CCDC197: variants seen among roughly 807,000 people sequenced by gnomAD.
CCDC197 encodes coiled-coil domain containing 197.
Under a neutral mutation model 13.4 loss-of-function variants are expected in CCDC197, and 24 were observed. The observed-to-expected ratio is 1.80, with a 90% confidence interval of 1.30 to 2.53. CCDC197 has a LOEUF of 2.53. Ranked by LOEUF, CCDC197 falls within the 30% of genes most tolerant of loss-of-function variation. The pLI, the probability that CCDC197 is intolerant of heterozygous loss-of-function variation, is 0.00. For synonymous variants in CCDC197, 99 were observed against 55.5 expected, an observed-to-expected ratio of 1.78 and a Z score of -3.48; for missense variants, 255 against 148.8, an observed-to-expected ratio of 1.71 and a Z score of -3.71.
chr14:93,990,738 A>G (rs1337849654), intron 1 of CCDC197, among the ~76,000 whole-genome samples: 1 of 152,190 alleles, frequency 6.6e-6, no homozygotes, highest in African/African-American at 2.4e-5. Flanking sequence ...AGCATTCAGG[A>G]GAGGCCTGGC....
chr14:94,005,049 C>G, intron 6 of CCDC197, 78 bp downstream of exon 6: 2 of 653,954 alleles, frequency 3.1e-6, no homozygotes, highest in Non-Finnish European at 5.6e-6. Flanking sequence ...TGCTCCTTAG[C>G]CCAGGCTGCA....
intron 6 of CCDC197, chr14:94,007,662 G>A (rs541948129): frequency 1.3e-5 from 2 of 152,342 alleles, no homozygotes; most frequent in African/African-American, 4.8e-5. Flanking sequence ...CAGGCATGGT[G>A]TGATCCTAGG....
chr14:93,994,663 C>T (rs778918930), upstream of CCDC197, among the ~76,000 whole-genome samples: 10 of 152,336 alleles, frequency 6.6e-5, no homozygotes, highest in South Asian at 8.3e-4. Flanking sequence ...ATCCCCACTC[C>T]AAACCTACCT....
intron 2 of CCDC197, among the ~76,000 whole-genome samples, chr14:93,998,750 TAG>T (rs1890398945): frequency 6.6e-6 from 1 of 152,244 alleles, no homozygotes; most frequent in South Asian, 2.1e-4. Context: ...CAATACGGTT[TAG>T]CACTGTCACG....
chr14:94,004,081 G>A lies in CCDC197; in HGVS notation c.498+727G>A, dbSNP rs74074318. Among the ~76,000 whole-genome samples the A allele has an allele frequency of 8.9e-3, 1,357 of 152,244 alleles. 23 individuals carry two copies. Among genetic ancestry groups the A allele is most frequent in the African/African-American group, 0.03 (1,252 of 41,544 alleles). The stretch of plus-strand genomic sequence containing the variant: ...CTCATTTTACAAATGAGAAAAATGA[G>A]GCTCAGAAAGAACAAGTCATGGCCA... On this transcript the variant is annotated intron_variant, in intron 5 of 6. Coordinates refer to ENST00000636493, the MANE Select transcript of CCDC197 (RefSeq NM_001351596.2).
intron 5 of CCDC197, among the ~76,000 whole-genome samples, chr14:94,004,375 C>T (rs879769263): frequency 1.3e-5 from 2 of 152,138 alleles, no homozygotes; most frequent in Non-Finnish European, 2.9e-5. Context: ...GACTGGGCCT[C>T]GAGGGATCTG....
chr14:94,001,246 G>A lies in CCDC197; in HGVS notation c.289G>A (p.Glu97Lys), dbSNP rs1208522614. Residue 97 changes from glutamate to lysine, a missense_variant, in exon 4 of 7, where the codon GAG becomes AAG. By Grantham distance (56) the Glu-to-Lys change is moderately conservative. Coordinates refer to ENST00000636493, the MANE Select transcript of CCDC197 (RefSeq NM_001351596.2). ...CAGCCAGGACACGCAGAAGCGCCTC[G>A]AGGCCTTCTGCCAGATGATCCAGGC... The part of the protein sequence containing the change: ...TASQDTQKRL[E>K]AFCQMIQAVH... The A allele has an allele frequency of 2.6e-6, 2 of 780,742 alleles. No homozygotes were observed. The highest frequency in any genetic ancestry group is 1.7e-5 in the African/African-American group (1 of 59,144). The allele number at this position is 780,742 out of a possible 1,614,324, so 48.4% of individuals were successfully genotyped here. A position where few individuals can be genotyped will look rare whatever the true frequency, so the allele number is the denominator to read the frequency against.
chr14:93,996,785 C>A (rs2141346526), upstream of CCDC197, among the ~76,000 whole-genome samples: 1 of 152,298 alleles, frequency 6.6e-6, no homozygotes, highest in African/African-American at 2.4e-5. Flanking sequence ...AGAGGCCCAG[C>A]CCTCCCCACC....
At chr14:94,005,745 C>T (rs1890662396) in intron 6 of CCDC197, among the ~76,000 whole-genome samples, 1 of 152,150 alleles carries the variant, frequency 6.6e-6, no homozygotes, top group African/African-American at 2.4e-5. Flanking sequence ...CATTTAGCGT[C>T]TGGCTGCTTT....
chr14:93,990,219 G>C (rs1890184093), intron 1 of CCDC197, among the ~76,000 whole-genome samples: 2 of 152,190 alleles, frequency 1.3e-5, no homozygotes, highest in South Asian at 4.1e-4. Flanking sequence ...TCATAGATGT[G>C]ACTGCTCACC....
chr14:93,996,015 C>A (rs993868677), upstream of CCDC197, among the ~76,000 whole-genome samples: 2 of 152,230 alleles, frequency 1.3e-5, no homozygotes, highest in Non-Finnish European at 2.9e-5. Flanking sequence ...TTTGTCCCTG[C>A]CATTCCTTCT....
intron 1 of CCDC197, among the ~76,000 whole-genome samples, chr14:93,991,185 C>T (rs1477149224): frequency 6.6e-6 from 1 of 152,152 alleles, no homozygotes; most frequent in African/African-American, 2.4e-5. Flanking sequence ...GGATTCAATA[C>T]AAGAAAGGGC....
At chr14:93,998,971 C>A (rs939494865) in intron 2 of CCDC197, among the ~76,000 whole-genome samples, 1 of 152,242 alleles carries the variant, frequency 6.6e-6, no homozygotes, top group Non-Finnish European at 1.5e-5. Context: ...GGTCTCTGCC[C>A]TTGACTGCTG....
chr14:94,004,042 G>A (rs1213610031), intron 5 of CCDC197, among the ~76,000 whole-genome samples: 1 of 152,126 alleles, frequency 6.6e-6, no homozygotes, highest in African/African-American at 2.4e-5. Context: ...AAATATTGGT[G>A]AATTTTACCC....
chr14:93,992,714 G>A (rs748509133), upstream of CCDC197, among the ~76,000 whole-genome samples: 2 of 152,242 alleles, frequency 1.3e-5, no homozygotes, highest in South Asian at 2.1e-4. Context: ...CCTCCACCAC[G>A]GGAAGGCCCT....
rs733166 is a variant in CCDC197 at position 93,998,086 on chromosome 14, A to G, written c.-46A>G. 0.59 allele frequency: 461,028 copies of G among 778,098 alleles called. 144,016 individuals carry two copies. The highest frequency in any genetic ancestry group is 0.99 in the East Asian group (40,751 of 41,200). 48.2% of individuals were successfully genotyped at this position (778,098 alleles called of 1,614,324 possible). A position where few individuals can be genotyped will look rare whatever the true frequency, so the allele number is the denominator to read the frequency against. On this transcript the variant is annotated 5_prime_UTR_variant, in exon 2 of 7. Transcript: ENST00000636493. ...TTTCGGTCTGTCTTCATCCTGCCTG[A>G]CTCACGGGTCTCCTGTCCTCCTGCA...
intron 1 of CCDC197, among the ~76,000 whole-genome samples, chr14:93,992,072 C>A (rs548932177): frequency 1.3e-5 from 2 of 152,210 alleles, no homozygotes; most frequent in African/African-American, 4.8e-5. Context: ...CCATGGCGGG[C>A]GGATTGACAC....
intron 3 of CCDC197, chr14:94,000,920 A>C: frequency 2.6e-6 from 1 of 377,994 alleles, no homozygotes; most frequent in Non-Finnish European, 4.4e-6. Context: ...TCTCTGGCTG[A>C]ACTTTCCAAG....
At chr14:93,991,669 A>T (rs1890213178) in intron 1 of CCDC197, among the ~76,000 whole-genome samples, 1 of 152,204 alleles carries the variant, frequency 6.6e-6, no homozygotes, top group Non-Finnish European at 1.5e-5. Flanking sequence ...AGGAGTGCTA[A>T]AATAGAGCCA....
Sources: gnomAD v4.1 joint callset for allele counts (sites outside exome capture counted in the v4.1 genomes callset) on GRCh38, gnomAD v4.1.1 for gene constraint, MANE v1.5 for transcripts, NCBI Gene and HGNC (gene_info 2026-07-23, HGNC 2026-07-21) for gene names.